Variants in CRYGN observed in about 807,000 individuals in gnomAD.
The protein encoded by CRYGN is crystallin gamma N.
Under a neutral mutation model 19.2 loss-of-function variants are expected in CRYGN, and 17 were observed. That is an observed-to-expected ratio of 0.89 (90% CI 0.61 to 1.33). The LOEUF is 1.33. CRYGN is among the 40% of genes most tolerant of loss of function. CRYGN has a pLI of 0.00. For missense variants in CRYGN, 239 were observed against 239.6 expected (o/e 1.00, Z 0.02); for synonymous variants, 84 against 85.8 (o/e 0.98, Z 0.12).
In CRYGN at chr7:151,438,227, G is replaced by A; in HGVS notation, c.39C>T (p.Gly13=). 1 of 1,611,912 alleles carries A rather than the reference G, an allele frequency of 6.2e-7. No homozygotes were observed. Among genetic ancestry groups the A allele is most frequent in the Non-Finnish European group, 8.5e-7 (1 of 1,179,094 alleles). Residue 13 remains glycine, a synonymous_variant, in exon 2 of 4, where the codon GGC becomes GGT. Coordinates refer to ENST00000337323, the MANE Select transcript of CRYGN (RefSeq NM_144727.3). ...QRSGKITLYE[G]KHFTGQKLEV... ...CCAGCTTCTGCCCTGTGAAGTGCTT[G>A]CCTTCATAGAGAGTGATCTAGAAAG...
In CRYGN at chr7:151,440,115, C is replaced by T; in HGVS notation, c.-198G>A. The T allele has an allele frequency of 2.2e-6, 3 of 1,359,740 alleles. No individual in the cohort carries two copies. The highest frequency in any genetic ancestry group is 1.8e-5 in the South Asian group (1 of 55,494). The allele number at this position is 1,359,740 out of a possible 1,614,324, so 84.2% of individuals were successfully genotyped here. On this transcript the variant is annotated 5_prime_UTR_variant, in exon 1 of 4. Transcript: ENST00000337323. Reference sequence around the variant, plus strand: ...CACCGCGAGTGCAGCCCGCCCTGCCCGGGGTCTCCCTGTGCTCTCCGCGTT... The same window carrying T: ...CACCGCGAGTGCAGCCCGCCCTGCCTGGGGTCTCCCTGTGCTCTCCGCGTT...
In CRYGN at chr7:151,440,125, C is replaced by A. The variant is rs1408353200; in HGVS notation, c.-208G>T. On this transcript the variant is annotated 5_prime_UTR_variant, in exon 1 of 4. In the 5' UTR this introduces an upstream ATG that the reference lacks. Transcript: ENST00000337323. ...GCAGCCCGCCCTGCCCGGGGTCTCC[C>A]TGTGCTCTCCGCGTTTAGCTCCCGA... The A allele has an allele frequency of 1.5e-6, 2 of 1,346,816 alleles. No individual in the cohort carries two copies. The highest frequency in any genetic ancestry group is 3.1e-5 in the African/African-American group (2 of 65,126). The allele number at this position is 1,346,816 out of a possible 1,614,324, so 83.4% of individuals were successfully genotyped here.
In CRYGN at chr7:151,429,700, G is replaced by C. The variant is rs1202605740; in HGVS notation, c.*348C>G. ...TGTATATGATAAGTAAAATTACACA[G>C]ATTCCAGCTACTACAGAGCCTGGCA... On this transcript the variant is annotated 3_prime_UTR_variant, in exon 4 of 4. Transcript: ENST00000337323. 1 of 338,490 alleles carries C rather than the reference G, an allele frequency of 3.0e-6. No individual in the cohort carries two copies. Among genetic ancestry groups the C allele is most frequent in the Non-Finnish European group, 5.6e-6 (1 of 179,512 alleles). 21.0% of individuals were successfully genotyped at this position (338,490 alleles called of 1,614,324 possible).
At chr7:151,432,418 GGCACCCAC>G in intron 3 of CRYGN, 1 of 439,274 alleles carries the variant, frequency 2.3e-6, no homozygotes, top group Non-Finnish European at 3.8e-6. Flanking sequence ...GCTACACGAA[GGCACCCAC>G]GGTGCCTTCC....
At position 151,429,406 on chromosome 7, in the gene CRYGN, A is replaced by T. The variant is rs1801416430; in HGVS notation, c.*642T>A. On this transcript the variant is annotated 3_prime_UTR_variant, in exon 4 of 4. Coordinates refer to ENST00000337323, the MANE Select transcript of CRYGN (RefSeq NM_144727.3). ...TTTTACAAGGGTATACAGTTGGTAC[A>T]GCAGACATGATTGCACTCATTTCAC... is the stretch of plus-strand genomic sequence containing the variant. The T allele has an allele frequency of 6.3e-6, 1 of 158,344 alleles. No individual in the cohort carries two copies. Among genetic ancestry groups the T allele is most frequent in the African/African-American group, 2.4e-5 (1 of 41,482 alleles). The allele number at this position is 158,344 out of a possible 1,614,324, so 9.8% of individuals were successfully genotyped here.
In CRYGN at chr7:151,439,858, G is replaced by A. The variant is rs753887178; in HGVS notation, c.21+39C>T. ...CCCTAGCACAGGGGGCGAAGGCGGA[G>A]CCCCACTCGGTTTCCTTGGGGTTGA... On this transcript the variant is annotated intron_variant, in intron 1 of 3. Coordinates refer to ENST00000337323, the MANE Select transcript of CRYGN (RefSeq NM_144727.3). The A allele has an allele frequency of 7.1e-6, 11 of 1,545,374 alleles. No individual in the cohort carries two copies. In the African/African-American group the frequency reaches 1.2e-4, roughly 17 times the overall value.
In CRYGN at chr7:151,430,647, T is replaced by C. The variant is rs1344755970; in HGVS notation, c.417-467A>G. ...GCCGTACTCCATCACCCCCTAGGCC[T>C]GTCGGGGTGTCTCAGTTCAACTCAG... On this transcript the variant is annotated intron_variant, in intron 3 of 3. Transcript: ENST00000337323. This position sits in a 1 kb window ranked among gnomAD's most constrained non-coding sequence, Gnocchi z 5.2. 1.3e-5 allele frequency among the ~76,000 whole-genome samples: 2 copies of C among 152,194 alleles called. No individual in the cohort carries two copies. Among genetic ancestry groups the C allele is most frequent in the Admixed American group, 1.3e-4 (2 of 15,280 alleles).
In CRYGN at chr7:151,429,505, A is replaced by G. The variant is rs549401991; in HGVS notation, c.*543T>C. On this transcript the variant is annotated 3_prime_UTR_variant, in exon 4 of 4. Transcript: ENST00000337323. The stretch of plus-strand genomic sequence containing the variant: ...TGACAAAAATATATCTAAATATGCA[A>G]ATGTGTGGTGCTCTATAGAGGAGTG... 6.1e-6 allele frequency: 1 copy of G among 163,908 alleles called. No individual in the cohort carries two copies. Among genetic ancestry groups the G allele is most frequent in the African/African-American group, 2.4e-5 (1 of 41,718 alleles). 10.2% of individuals were successfully genotyped at this position (163,908 alleles called of 1,614,324 possible).
rs917951587 is a variant in CRYGN, at chr7:151,435,128, A to G, written c.416+1052T>C. On this transcript the variant is annotated intron_variant, in intron 3 of 3. Coordinates refer to ENST00000337323, the MANE Select transcript of CRYGN (RefSeq NM_144727.3). The surrounding 1 kb of genome is among the most constrained non-coding windows in gnomAD (Gnocchi z 4.2). ...TCCCTGCAGTCCCTCTGCCCCCTGC[A>G]TCCCCTCCGAAGCTCCCTGGCCTTG... is the stretch of plus-strand genomic sequence containing the variant. Among the ~76,000 whole-genome samples, 9 of 152,130 alleles carry G rather than the reference A, an allele frequency of 5.9e-5. No individual in the cohort carries two copies. The highest frequency in any genetic ancestry group is 1.9e-4 in the African/African-American group (8 of 41,416).
upstream of CRYGN, chr7:151,440,222 G>A (rs1030142730): frequency 7.6e-6 from 5 of 659,674 alleles, no homozygotes; most frequent in African/African-American, 9.6e-5. Context: ...GGTGGGGGGA[G>A]GAGGGGAGGT....
Position 151,439,902 on chromosome 7 carries a change from C to G in CRYGN, c.16G>C (p.Gly6Arg). 1.3e-6 allele frequency: 2 copies of G among 1,555,632 alleles called. No homozygotes were observed. Among genetic ancestry groups the G allele is most frequent in the Non-Finnish European group, 1.7e-6 (2 of 1,152,226 alleles). MAQRS[G>R]KITLYEGKHF... is the part of the protein sequence containing the mutation. ...GGGTTGAGGGACGCACTCACCTTCC[C>G]CGAGCGCTGCGCCATGGTGCGCCCC... The change falls in exon 1 of 4, where the codon GGG (glycine) becomes CGG (arginine). Residue 6 changes from glycine (G) to arginine (R), a missense_variant. Physicochemically the swap from Gly to Arg is moderately radical, Grantham distance 125. Coordinates refer to ENST00000337323, the MANE Select transcript of CRYGN (RefSeq NM_144727.3).
rs932977559 is a variant in CRYGN, at chr7:151,431,576, C to T, written c.417-1396G>A. ...GCAGACACGCCCCATGCCCCTTTCT[C>T]CCCGAAAGCCCCTCCATTCCCACAG... On this transcript the variant is annotated intron_variant, in intron 3 of 3. Coordinates refer to ENST00000337323, the MANE Select transcript of CRYGN (RefSeq NM_144727.3). This position sits in a 1 kb window ranked among gnomAD's most constrained non-coding sequence, Gnocchi z 4.8. Among the ~76,000 whole-genome samples, 2 of 152,128 alleles carry T rather than the reference C, an allele frequency of 1.3e-5. No individual in the cohort carries two copies. The highest frequency in any genetic ancestry group is 4.8e-5 in the African/African-American group (2 of 41,414).
In CRYGN at chr7:151,439,938, C is replaced by T. The variant is rs1424242756; in HGVS notation, c.-21G>A. ...GCCATGGTGCGCCCCGCCCCTTCCGCGGGTCCCCGTTTACACCGGGCAGCG... is the reference window on the plus strand; with the variant it reads ...GCCATGGTGCGCCCCGCCCCTTCCGTGGGTCCCCGTTTACACCGGGCAGCG... On this transcript the variant is annotated 5_prime_UTR_variant, in exon 1 of 4. Transcript: ENST00000337323. 2.0e-6 allele frequency: 3 copies of T among 1,532,990 alleles called. No individual in the cohort carries two copies. Among genetic ancestry groups the T allele is most frequent in the East Asian group, 2.4e-5 (1 of 40,970 alleles). The allele number at this position is 1,532,990 out of a possible 1,614,324, so 95.0% of individuals were successfully genotyped here. A position where few individuals can be genotyped will look rare whatever the true frequency, so the allele number is the denominator to read the frequency against.
rs1801714633 is a variant in CRYGN, at chr7:151,439,750, A to T, written c.21+147T>A. 3 of 848,468 alleles carry T rather than the reference A, an allele frequency of 3.5e-6. No individual in the cohort carries two copies. The South Asian group carries it at 6.2e-5, about 18-fold the overall frequency. 52.6% of individuals were successfully genotyped at this position (848,468 alleles called of 1,614,324 possible). ...CACACCAGAGAGGCCCCAGGCCAGT[A>T]GCGAGGCCACCCCATTTTATTAAGA... On this transcript the variant is annotated intron_variant, in intron 1 of 3. Coordinates refer to ENST00000337323, the MANE Select transcript of CRYGN (RefSeq NM_144727.3).
rs1173552633 is a variant in CRYGN at position 151,431,534 on chromosome 7, C to T, written c.417-1354G>A. ...TCTGGGTCTGCCAGCCCTACTGCTC[C>T]AGGGGCTATGGCTGCAGCAGACACG... is the stretch of plus-strand genomic sequence containing the variant. On this transcript the variant is annotated intron_variant, in intron 3 of 3. Transcript: ENST00000337323. The surrounding 1 kb of genome is among the most constrained non-coding windows in gnomAD (Gnocchi z 4.8). Among the ~76,000 whole-genome samples, 1 of 152,180 alleles carries T rather than the reference C, an allele frequency of 6.6e-6. No individual in the cohort carries two copies. The highest frequency in any genetic ancestry group is 1.9e-4 in the East Asian group (1 of 5,188).
chr7:151,433,847 G>A lies in CRYGN; in HGVS notation c.416+2333C>T, dbSNP rs1000812327. ...GGCTACTGGGAGGAGGCAGACAGAGGAAAGGGCAGGGGCCTGTCCTGCCCA... is the reference window on the plus strand; with the variant it reads ...GGCTACTGGGAGGAGGCAGACAGAGAAAAGGGCAGGGGCCTGTCCTGCCCA... On this transcript the variant is annotated intron_variant, in intron 3 of 3. Transcript: ENST00000337323. The surrounding 1 kb of genome is among the most constrained non-coding windows in gnomAD (Gnocchi z 5.1). 6.6e-6 allele frequency among the ~76,000 whole-genome samples: 1 copy of A among 152,210 alleles called. No individual in the cohort carries two copies. The highest frequency in any genetic ancestry group is 6.5e-5 in the Admixed American group (1 of 15,286).
chr7:151,439,042 GT>G (rs959569421), intron 1 of CRYGN: 2 of 152,268 alleles, frequency 1.3e-5, no homozygotes, highest in Non-Finnish European at 2.9e-5. Flanking sequence ...TTCAAGAACT[GT>G]GGCCCTAGAA....
At chr7:151,432,661 G>A (rs1801499184) in intron 3 of CRYGN, among the ~76,000 whole-genome samples, 2 of 152,194 alleles carry the variant, frequency 1.3e-5, no homozygotes, top group South Asian at 4.1e-4. Context: ...AAAATTAGCT[G>A]GGTGTGGTGG....
rs12668719 is a variant in CRYGN, at chr7:151,437,284, A to G, written c.270+712T>C. ...AGGGTCCTCAGCAGACATAAGCGAG[A>G]CGCTCTGTGATGAGAGATGCACGCC... On this transcript the variant is annotated intron_variant, in intron 2 of 3. Transcript: ENST00000337323. Among the ~76,000 whole-genome samples, 106 of 152,184 alleles carry G rather than the reference A, an allele frequency of 7.0e-4. No homozygotes were observed. The East Asian group carries it at 0.019, about 27-fold the overall frequency.
Sources: gnomAD v4.1 joint callset for allele counts (sites outside exome capture counted in the v4.1 genomes callset) on GRCh38, gnomAD v4.1.1 for gene constraint, Gnocchi (gnomAD v3.1) non-coding constraint, MANE v1.5 for transcripts, NCBI Gene and HGNC (gene_info 2026-07-23, HGNC 2026-07-21) for gene names.